PROS1: variants seen among roughly 807,000 people sequenced by gnomAD.
PROS1 encodes the protein protein S.
In PROS1, 29 loss-of-function variants were observed where a neutral mutation model predicts 75.9. The observed-to-expected ratio is 0.38, with a 90% CI of 0.28 to 0.52. PROS1 has a LOEUF of 0.52. Ranked by LOEUF, PROS1 falls within the 20% of genes least tolerant of loss-of-function variation. The pLI is 0.83. For missense variants in PROS1, 680 were observed against 810.3 expected (o/e 0.84, Z 1.95); for synonymous variants, 245 against 280.6 (o/e 0.87, Z 1.27).
chr3:93,897,969 AG>A (rs1708528335), intron 8 of PROS1, among the ~76,000 whole-genome samples: 1 of 152,100 alleles, frequency 6.6e-6, no homozygotes, highest in Non-Finnish European at 1.5e-5. Flanking sequence ...AATGGTTAAA[AG>A]GGTACATTAA....
rs373336653 is a variant in PROS1, at chr3:93,879,254, G to A, written c.1553C>T (p.Thr518Met). The change falls in exon 13 of 15, where the codon ACG (threonine) becomes ATG (methionine). Residue 518 changes from threonine (T) to methionine (M), a missense_variant. Physicochemically the swap from Thr to Met is moderately conservative, Grantham distance 81 (BLOSUM62 -1). Coordinates refer to ENST00000394236, the MANE Select transcript of PROS1 (RefSeq NM_000313.4). ...CAAGGCAAGCATAACACCAGTGCCC[G>A]TGGATGGACGAATATTCAAGGTCAC... ...VNVTLNIRPS[T>M]GTGVMLALVS... 2.1e-4 allele frequency: 338 copies of A among 1,613,922 alleles called. No homozygotes were observed. The highest frequency in any genetic ancestry group is 2.7e-4 in the Non-Finnish European group (315 of 1,179,928).
intron 6 of PROS1, among the ~76,000 whole-genome samples, chr3:93,905,412 G>C (rs1297326496): frequency 6.6e-6 from 1 of 152,040 alleles, no homozygotes; most frequent in African/African-American, 2.4e-5. Flanking sequence ...GATCAGTTTG[G>C]GCAACATGAT....
intron 6 of PROS1, among the ~76,000 whole-genome samples, chr3:93,903,949 A>G (rs529908971): frequency 6.1e-5 from 9 of 147,792 alleles, no homozygotes; most frequent in South Asian, 2.3e-4. Context: ...ATATCTCCCA[A>G]TGCTATCCCT....
rs1364527313 is a variant in PROS1 at position 93,900,798 on chromosome 3, T to C, written c.727+6A>G. On this transcript the variant is annotated splice_donor_region_variant and intron_variant, in intron 7 of 14. Coordinates refer to ENST00000394236, the MANE Select transcript of PROS1 (RefSeq NM_000313.4). ...ACCATCAGTAATGATACCACCATCATCCTACCTTCACAAGACTTTGATTTG... is the reference window on the plus strand; with the variant it reads ...ACCATCAGTAATGATACCACCATCACCCTACCTTCACAAGACTTTGATTTG... 1 of 1,612,234 alleles carries C rather than the reference T, an allele frequency of 6.2e-7. No individual in the cohort carries two copies. The highest frequency in any genetic ancestry group is 1.1e-5 in the South Asian group (1 of 91,016).
intron 10 of PROS1, among the ~76,000 whole-genome samples, chr3:93,891,906 T>C (rs1708436063): frequency 6.6e-6 from 1 of 152,030 alleles, no homozygotes; most frequent in Admixed American, 6.6e-5. Flanking sequence ...TTTTAAGGAT[T>C]ACTTATCTAT....
At chr3:93,906,815 T>C (rs528302319) in intron 4 of PROS1, among the ~76,000 whole-genome samples, 50 of 152,320 alleles carry the variant, frequency 3.3e-4, no homozygotes, top group Non-Finnish European at 6.3e-4. Context: ...ACTCTGGTCA[T>C]GGAACAAGGT....
At chr3:93,895,356 A>G (rs1474905988) in intron 9 of PROS1, among the ~76,000 whole-genome samples, 17 of 152,168 alleles carry the variant, frequency 1.1e-4, no homozygotes, top group Admixed American at 7.9e-4. Flanking sequence ...GTTTTCTCCA[A>G]TCTCTATCAT....
intron 13 of PROS1, among the ~76,000 whole-genome samples, chr3:93,878,251 TGTAGAAAG>T (rs1417510573): frequency 6.6e-6 from 1 of 151,964 alleles, no homozygotes; most frequent in African/African-American, 2.4e-5. Context: ...GAAATCCAAA[TGTAGAAAG>T]CTCCTTAAAG....
chr3:93,898,147 A>G (rs932454145), intron 8 of PROS1, among the ~76,000 whole-genome samples: 2 of 152,076 alleles, frequency 1.3e-5, no homozygotes, highest in Non-Finnish European at 2.9e-5. Flanking sequence ...TATTAAACTC[A>G]GCTTTTCTTG....
At chr3:93,942,215 C>T (rs1371327382) in intron 1 of PROS1, among the ~76,000 whole-genome samples, 1 of 152,114 alleles carries the variant, frequency 6.6e-6, no homozygotes, top group African/African-American at 2.4e-5. Flanking sequence ...CCCCTCCACT[C>T]CCTCTCCGCA....
chr3:93,945,333 GC>G (rs1379691418), intron 1 of PROS1, among the ~76,000 whole-genome samples: 1 of 152,070 alleles, frequency 6.6e-6, no homozygotes, highest in Non-Finnish European at 1.5e-5. Context: ...TGATACCAAA[GC>G]CTGGCAGAGA....
At chr3:93,920,825 C>T (rs1708935785) in intron 3 of PROS1, among the ~76,000 whole-genome samples, 1 of 151,850 alleles carries the variant, frequency 6.6e-6, no homozygotes, top group South Asian at 2.1e-4. Flanking sequence ...CTTTCTCATG[C>T]TAATTTGCTC....
intron 10 of PROS1, among the ~76,000 whole-genome samples, chr3:93,887,056 C>G (rs2107141283): frequency 6.6e-6 from 1 of 151,378 alleles, no homozygotes; most frequent in South Asian, 2.1e-4. Flanking sequence ...GTAGCTGGGA[C>G]TACAGGCGCC....
chr3:93,935,995 A>G (rs1709176778), intron 1 of PROS1, among the ~76,000 whole-genome samples: 1 of 151,484 alleles, frequency 6.6e-6, no homozygotes, highest in African/African-American at 2.4e-5. Flanking sequence ...AAATGAAAAA[A>G]CTACTGTTTT....
chr3:93,928,150 G>T (rs1304380463), intron 1 of PROS1, among the ~76,000 whole-genome samples: 1 of 147,606 alleles, frequency 6.8e-6, no homozygotes, highest in Non-Finnish European at 1.5e-5. Context: ...GAGTAGCTGG[G>T]ATTACTAGAA....
At chr3:93,882,787 A>G (rs1708291804) in intron 12 of PROS1, among the ~76,000 whole-genome samples, 2 of 152,154 alleles carry the variant, frequency 1.3e-5, no homozygotes, top group Admixed American at 1.3e-4. Context: ...AGGAGATCCG[A>G]AAAAGCCTCT....
At chr3:93,964,777 G>A (rs1709762128) in intron 1 of PROS1, among the ~76,000 whole-genome samples, 1 of 152,144 alleles carries the variant, frequency 6.6e-6, no homozygotes, top group Non-Finnish European at 1.5e-5. Context: ...GGGCATCACA[G>A]TCCTACAGAT....
chr3:93,904,689 T>C (rs938810411), intron 6 of PROS1, among the ~76,000 whole-genome samples: 4 of 152,198 alleles, frequency 2.6e-5, no homozygotes, highest in African/African-American at 9.6e-5. Flanking sequence ...GTATCCAGTT[T>C]CTAAAGGCAA....
intron 1 of PROS1, among the ~76,000 whole-genome samples, chr3:93,948,507 G>T (rs928525747): frequency 2.4e-4 from 36 of 152,118 alleles, no homozygotes; most frequent in African/African-American, 8.2e-4. Context: ...TGACAATGGG[G>T]TGTTAAAGTC....
Sources: allele counts gnomAD v4.1 joint callset (sites outside exome capture counted in the v4.1 genomes callset), GRCh38; gene constraint gnomAD v4.1.1; transcripts MANE v1.5; gene names NCBI Gene and HGNC (gene_info 2026-07-23, HGNC 2026-07-21).